LRRC72: variants seen among roughly 807,000 people sequenced by gnomAD.
The protein encoded by LRRC72 is leucine rich repeat containing 72.
Under a neutral mutation model 35.8 loss-of-function variants are expected in LRRC72, and 41 were observed. The observed-to-expected ratio is 1.15, with a 90% CI of 0.89 to 1.49. The LOEUF (loss-of-function observed/expected upper bound fraction) is 1.49, where lower values mean the gene tolerates loss of function less well. Ranked by LOEUF, LRRC72 falls within the 40% of genes most tolerant of loss-of-function variation. LRRC72 has a pLI of 0.00. For missense variants in LRRC72, 389 were observed against 330.7 expected, an observed-to-expected ratio of 1.18 and a Z score of -1.37; for synonymous variants, 118 against 119.2, an observed-to-expected ratio of 0.99 and a Z score of 0.07.
chr7:16,563,973 C>T (rs7800838), intron 5 of LRRC72, among the ~76,000 whole-genome samples: 12,160 of 152,140 alleles, frequency 0.08, 1,666 homozygotes, highest in African/African-American at 0.28. Flanking sequence ...GTGTTTTATT[C>T]AGCTGAAGCT....
At chr7:16,545,467 G>A (rs1782429436) in intron 3 of LRRC72, among the ~76,000 whole-genome samples, 1 of 151,844 alleles carries the variant, frequency 6.6e-6, no homozygotes, top group African/African-American at 2.4e-5. Flanking sequence ...AATTTCTGTT[G>A]GCCTCTTTAA....
chr7:16,537,735 C>T, intron 3 of LRRC72, 39 bp downstream of exon 3: 1 of 1,139,230 alleles, frequency 8.8e-7, no homozygotes, highest in South Asian at 1.5e-5. Context: ...TAAAATTAAA[C>T]TACTATCTTA....
intron 3 of LRRC72, among the ~76,000 whole-genome samples, chr7:16,553,570 A>G (rs500907): frequency 0.71 from 108,472 of 152,086 alleles, 39,734 homozygotes; most frequent in African/African-American, 0.9. Flanking sequence ...TTCTCAACTG[A>G]GAGTGTTTTT....
At chr7:16,562,010 G>A (rs1284176309) in intron 5 of LRRC72, among the ~76,000 whole-genome samples, 1 of 152,184 alleles carries the variant, frequency 6.6e-6, no homozygotes, top group Non-Finnish European at 1.5e-5. Flanking sequence ...AAAATAGCCT[G>A]AAGGGCAAAA....
chr7:16,568,247 TA>T (rs1273727808), intron 7 of LRRC72, among the ~76,000 whole-genome samples: 7 of 152,174 alleles, frequency 4.6e-5, no homozygotes. Context: ...GTGGCTGGTG[TA>T]CCCCCAAGCC....
intron 3 of LRRC72, among the ~76,000 whole-genome samples, chr7:16,541,218 T>G (rs934115888): frequency 7.9e-5 from 12 of 152,242 alleles, no homozygotes; most frequent in Admixed American, 7.2e-4. Context: ...AAATTCATCT[T>G]CCGACAGCTT....
intron 2 of LRRC72, among the ~76,000 whole-genome samples, chr7:16,533,593 G>C (rs896912510): frequency 1.1e-4 from 16 of 151,970 alleles, no homozygotes; most frequent in African/African-American, 3.4e-4. Flanking sequence ...AAATGCCTTA[G>C]TTTATCAACA....
At chr7:16,566,892 C>A (rs796104502) in intron 6 of LRRC72, among the ~76,000 whole-genome samples, 7 of 151,708 alleles carry the variant, frequency 4.6e-5, no homozygotes, top group African/African-American at 1.4e-4. Flanking sequence ...AAGCCACATG[C>A]ACACACACAC....
Position 16,557,203 on chromosome 7 carries a change from C to G in LRRC72, c.235-157C>G, listed in dbSNP as rs965417713. ...AAGACAATCCAAATGTAACTTACAG[C>G]CAGACCAAAAGGTCACAAATAAGAA... is the stretch of plus-strand genomic sequence containing the variant. On this transcript the variant is annotated intron_variant, in intron 3 of 8. Coordinates refer to ENST00000401542, the MANE Select transcript of LRRC72 (RefSeq NM_001195280.2). Among the ~76,000 whole-genome samples, 23 of 151,988 alleles carry G rather than the reference C, an allele frequency of 1.5e-4. 1 individual carries two copies. The highest frequency in any genetic ancestry group is 5.9e-5 in the Non-Finnish European group (4 of 68,012).
At chr7:16,537,751 G>A (rs6961390) in intron 3 of LRRC72, 55 bp downstream of exon 3, 838,801 of 1,057,404 alleles carry the variant, frequency 0.79, 334,476 homozygotes, top group East Asian at 1. Context: ...TCTTAATTTT[G>A]TATTCCTAAT....
chr7:16,550,599 G>C (rs1782532529), intron 3 of LRRC72, among the ~76,000 whole-genome samples: 1 of 152,188 alleles, frequency 6.6e-6, no homozygotes, highest in Admixed American at 6.5e-5. Flanking sequence ...TTTCCCAGTT[G>C]CAACAACTTT....
chr7:16,567,522 C>G lies in LRRC72; in HGVS notation c.649C>G (p.Pro217Ala), dbSNP rs1413956765. Residue 217 changes from proline to alanine, a missense_variant, in exon 7 of 9, where the codon CCA becomes GCA. By Grantham distance (27) the Pro-to-Ala change is conservative. Transcript: ENST00000401542. ...WDPKSPFKQKPAQRVPSDFAF... is the reference protein window; with the variant it reads ...WDPKSPFKQKAAQRVPSDFAF... ...TCCTAAATCACCATTTAAGCAAAAA[C>G]CAGCCCAGAGAGTACCTTCAGGTAT... is the stretch of plus-strand genomic sequence containing the variant. 6.8e-7 allele frequency: 1 copy of G among 1,468,062 alleles called. No homozygotes were observed. 90.9% of individuals were successfully genotyped at this position (1,468,062 alleles called of 1,614,324 possible). A position where few individuals can be genotyped will look rare whatever the true frequency, so the allele number is the denominator to read the frequency against.
chr7:16,572,323 T>C (rs1206884327), intron 7 of LRRC72, among the ~76,000 whole-genome samples: 2 of 152,190 alleles, frequency 1.3e-5, no homozygotes, highest in Admixed American at 6.5e-5. Flanking sequence ...AGCATCATCC[T>C]GATACCAAAA....
At chr7:16,535,149 A>T (rs1782231283) in intron 2 of LRRC72, among the ~76,000 whole-genome samples, 1 of 152,108 alleles carries the variant, frequency 6.6e-6, no homozygotes, top group Admixed American at 6.6e-5. Flanking sequence ...AGATGGAGCC[A>T]CTGTACTCCA....
chr7:16,533,167 TTATACCACATACTATGATAA>T (rs1350578077), intron 2 of LRRC72, among the ~76,000 whole-genome samples: 1 of 152,110 alleles, frequency 6.6e-6, no homozygotes, highest in Non-Finnish European at 1.5e-5. Flanking sequence ...TTAGGAATCA[TTATACCACATACTATGATAA>T]TGAACTCCAT....
At chr7:16,549,281 AATTTC>A (rs1472276825) in intron 3 of LRRC72, among the ~76,000 whole-genome samples, 1 of 152,236 alleles carries the variant, frequency 6.6e-6, no homozygotes, top group Non-Finnish European at 1.5e-5. Flanking sequence ...AAGGTAACAG[AATTTC>A]CATGACAGAA....
intron 7 of LRRC72, among the ~76,000 whole-genome samples, chr7:16,576,816 G>A (rs1337078274): frequency 1.3e-5 from 2 of 152,192 alleles, no homozygotes; most frequent in African/African-American, 4.8e-5. Context: ...TCCAGGTGCT[G>A]AGCCCAAGCT....
At chr7:16,557,006 T>C (rs1782660578) in intron 3 of LRRC72, among the ~76,000 whole-genome samples, 1 of 152,134 alleles carries the variant, frequency 6.6e-6, no homozygotes, top group Non-Finnish European at 1.5e-5. Context: ...GGTGGATATG[T>C]GGTGCTGGAT....
intron 5 of LRRC72, among the ~76,000 whole-genome samples, chr7:16,563,205 C>T (rs1782772559): frequency 6.6e-6 from 1 of 151,946 alleles, no homozygotes; most frequent in African/African-American, 2.4e-5. Context: ...CATTGGGGTT[C>T]ATTTAAATAA....
Sources: gnomAD v4.1 joint callset for allele counts (sites outside exome capture counted in the v4.1 genomes callset) on GRCh38, gnomAD v4.1.1 for gene constraint, MANE v1.5 for transcripts, NCBI Gene and HGNC (gene_info 2026-07-23, HGNC 2026-07-21) for gene names.